The following OR5M3 variants were observed in gnomAD, a reference collection of about 807,000 sequenced individuals.
OR5M3 encodes the protein olfactory receptor family 5 subfamily M member 3, also known as olfactory receptor 5M3.
For missense variants in OR5M3, 384 were observed against 378.6 expected (o/e 1.01, Z -0.12); for synonymous variants, 129 against 131.3 (o/e 0.98, Z 0.12).
chr11:56,473,069 T>C (rs1853682445), intron 1 of OR5M3, among the ~76,000 whole-genome samples, 152 bp downstream of exon 1: 2 of 152,230 alleles, frequency 1.3e-5, no homozygotes, highest in South Asian at 4.1e-4. Context: ...TCAAATAATA[T>C]AATCCTATTG....
rs1853642867 is a variant in OR5M3, at chr11:56,469,716, GGA to G, written c.780_781del (p.Pro261HisfsTer56). On this transcript the variant is annotated frameshift_variant, in exon 2 of 2. Coordinates refer to ENST00000641993, the MANE Select transcript of OR5M3 (RefSeq NM_001004742.3). LOFTEE classifies it high-confidence loss of function. ...CCCCTGCTCCACAGACTCCTCTGTG[GGA>G]CGTCTGAGATACATGAAGATCAGAG... 1 of 1,611,104 alleles carries G rather than the reference GGA, an allele frequency of 6.2e-7. No homozygotes were observed. The highest frequency in any genetic ancestry group is 8.5e-7 in the Non-Finnish European group (1 of 1,178,046).
Position 56,470,447 on chromosome 11 carries a change from G to C in OR5M3, c.51C>G (p.Ser17Arg), listed in dbSNP as rs554513751. ...AGAAGAGAACTTGCCATTCTCGACG[G>C]CTCGTTAGCCCCAAAAGAATGAACT... The part of the protein sequence containing the change: ...VTEFILLGLT[S>R]RREWQVLFFI... Residue 17 changes from serine (S) to arginine (R), a missense_variant, in exon 2 of 2, where the codon AGC becomes AGG. By Grantham distance (110) the Ser-to-Arg change is moderately radical. Transcript: ENST00000641993. 1.2e-6 allele frequency: 2 copies of C among 1,611,120 alleles called. No individual in the cohort carries two copies. The highest frequency in any genetic ancestry group is 1.3e-5 in the African/African-American group (1 of 74,920).
Position 56,469,784 on chromosome 11 carries a change from T to C in OR5M3, c.714A>G (p.Thr238=). 6.2e-7 allele frequency: 1 copy of C among 1,612,668 alleles called. No individual in the cohort carries two copies. Among genetic ancestry groups the C allele is most frequent in the Non-Finnish European group, 8.5e-7 (1 of 1,178,884 alleles). The change falls in exon 2 of 2, where the codon ACA becomes ACG. Residue 238 remains threonine, a synonymous_variant. Transcript: ENST00000641993. ...TGACAGCTGTCAGATGGGACCCACA[T>C]GTGGAAAAGGCCTTCTGCCTTCCTT... is the stretch of plus-strand genomic sequence containing the variant. ...SAEGRQKAFS[T]CGSHLTAVII...
chr11:56,472,636 C>G lies in OR5M3; in HGVS notation c.-45+585G>C, dbSNP rs568409053. Among the ~76,000 whole-genome samples the G allele has an allele frequency of 1.9e-4, 29 of 151,912 alleles. No individual in the cohort carries two copies. The Middle Eastern group carries it at 0.01, about 53-fold the overall frequency. ...GGGTTAGATTTCATCCTAGGGGGTGCGAAGTGTACAAAGAAATAGAGATTA... is the reference window on the plus strand; with the variant it reads ...GGGTTAGATTTCATCCTAGGGGGTGGGAAGTGTACAAAGAAATAGAGATTA... On this transcript the variant is annotated intron_variant, in intron 1 of 1. Transcript: ENST00000641993.
rs138623721 is a variant in OR5M3, at chr11:56,470,442, C to T, written c.56G>A (p.Arg19Gln). 28 of 1,611,804 alleles carry T rather than the reference C, an allele frequency of 1.7e-5. No individual in the cohort carries two copies. In the African/African-American group the frequency reaches 2.1e-4, roughly 12 times the overall value. Residue 19 changes from arginine (R) to glutamine (Q), a missense_variant, in exon 2 of 2, where the codon CGA (arginine) becomes CAA (glutamine). By Grantham distance (43) the Arg-to-Gln change is conservative (BLOSUM62 1). Transcript: ENST00000641993. The stretch of plus-strand genomic sequence containing the variant: ...GATGAAGAAGAGAACTTGCCATTCT[C>T]GACGGCTCGTTAGCCCCAAAAGAAT... ...EFILLGLTSR[R>Q]EWQVLFFIIF...
intron 1 of OR5M3, among the ~76,000 whole-genome samples, chr11:56,470,856 T>C (rs1467361746): frequency 1.3e-5 from 2 of 152,084 alleles, no homozygotes; most frequent in Admixed American, 1.3e-4. Context: ...TTAAAGATAA[T>C]TACAATGGAT....
Position 56,470,471 on chromosome 11 carries a change from C to T in OR5M3, c.27G>A (p.Glu9=), listed in dbSNP as rs150255727. Residue 9 remains glutamate (E), a synonymous_variant, in exon 2 of 2, where the codon GAG becomes GAA. Transcript: ENST00000641993. ...GGCTCGTTAGCCCCAAAAGAATGAA[C>T]TCTGTCACATCGGTGAAATTGAGCA... MLNFTDVT[E]FILLGLTSRR... is the part of the protein sequence containing the mutation. The T allele has an allele frequency of 1.9e-6, 3 of 1,598,154 alleles. No homozygotes were observed. The highest frequency in any genetic ancestry group is 2.2e-5 in the East Asian group (1 of 44,688).
At position 56,470,377 on chromosome 11, in the gene OR5M3, T is replaced by C; in HGVS notation, c.121A>G (p.Ile41Val). ...ACCTTGATTAACACCATCATGCCGA[T>C]ATTGCCCACCATGGTGATGATGTAG... is the stretch of plus-strand genomic sequence containing the variant. Reference protein sequence around the residue: ...VVYIITMVGNIGMMVLIKVSP... With the variant: ...VVYIITMVGNVGMMVLIKVSP... Residue 41 changes from isoleucine (I) to valine (V), a missense_variant, in exon 2 of 2, where the codon ATC becomes GTC. By Grantham distance (29) the Ile-to-Val change is conservative. Transcript: ENST00000641993. 6.2e-7 allele frequency: 1 copy of C among 1,613,592 alleles called. No individual in the cohort carries two copies. The highest frequency in any genetic ancestry group is 8.5e-7 in the Non-Finnish European group (1 of 1,179,728).
chr11:56,469,582 A>G lies in OR5M3; in HGVS notation c.916T>C (p.Ser306Pro). The change falls in exon 2 of 2, where the codon TCA (serine) becomes CCA (proline). Residue 306 changes from serine (S) to proline (P), a missense_variant. Physicochemically the swap from Ser to Pro is moderately conservative, Grantham distance 74 (BLOSUM62 -1). Coordinates refer to ENST00000641993, the MANE Select transcript of OR5M3 (RefSeq NM_001004742.3). ...KKAMMKVISRSC is the reference protein window; with the variant it reads ...KKAMMKVISRPC ...ATTTGATTTTATTTTGTTTAACATG[A>G]TCTGCTGATCACTTTCATCATGGCC... The G allele has an allele frequency of 1.3e-6, 2 of 1,495,072 alleles. No individual in the cohort carries two copies. The highest frequency in any genetic ancestry group is 2.7e-5 in the South Asian group (2 of 74,372). 92.6% of individuals were successfully genotyped at this position (1,495,072 alleles called of 1,614,324 possible). A position where few individuals can be genotyped will look rare whatever the true frequency, so the allele number is the denominator to read the frequency against.
Position 56,470,191 on chromosome 11 carries a change from T to C in OR5M3, c.307A>G (p.Ile103Val), listed in dbSNP as rs559835986. ...AGCLVQCFFF[I>V]ALVHVEIFIL... is the part of the protein sequence containing the mutation. ...AAAATTTCCACATGGACAAGAGCAA[T>C]GAAGAAGAAACACTGTACTAAACAA... The change falls in exon 2 of 2, where the codon ATT (isoleucine) becomes GTT (valine). Residue 103 changes from isoleucine to valine, a missense_variant. Transcript: ENST00000641993. The C allele has an allele frequency of 8.7e-6, 14 of 1,613,668 alleles. No individual in the cohort carries two copies. The highest frequency in any genetic ancestry group is 2.2e-5 in the East Asian group (1 of 44,870).
In OR5M3 at chr11:56,470,155, C is replaced by G; in HGVS notation, c.343G>C (p.Ala115Pro). 6.2e-7 allele frequency: 1 copy of G among 1,608,284 alleles called. No individual in the cohort carries two copies. Among genetic ancestry groups the G allele is most frequent in the Non-Finnish European group, 8.5e-7 (1 of 1,174,680 alleles). ...LVHVEIFILA[A>P]MAFDRYMAIG... ...GCCATGTATCTATCAAAGGCCATCG[C>G]AGCAAGAATAAAAATTTCCACATGG... Residue 115 changes from alanine to proline, a missense_variant, in exon 2 of 2, where the codon GCG becomes CCG. Ala to Pro is a conservative substitution (Grantham distance 27). Transcript: ENST00000641993.
Position 56,469,554 on chromosome 11 carries a change from C to T in OR5M3, c.*20G>A, listed in dbSNP as rs371992663. 2.1e-6 allele frequency: 3 copies of T among 1,449,290 alleles called. No individual in the cohort carries two copies. The highest frequency in any genetic ancestry group is 2.8e-6 in the Non-Finnish European group (3 of 1,082,118). The allele number at this position is 1,449,290 out of a possible 1,614,324, so 89.8% of individuals were successfully genotyped here. The stretch of plus-strand genomic sequence containing the variant: ...CAAATAATAGAAGATAAAATTAAAT[C>T]AAATTTGATTTTATTTTGTTTAACA... On this transcript the variant is annotated 3_prime_UTR_variant, in exon 2 of 2. Coordinates refer to ENST00000641993, the MANE Select transcript of OR5M3 (RefSeq NM_001004742.3).
intron 1 of OR5M3, among the ~76,000 whole-genome samples, chr11:56,471,899 G>C (rs1200794891): frequency 6.6e-6 from 1 of 151,972 alleles, no homozygotes; most frequent in Non-Finnish European, 1.5e-5. Flanking sequence ...TATCTCTAGA[G>C]CAAACAATTA....
intron 1 of OR5M3, among the ~76,000 whole-genome samples, chr11:56,471,020 A>G (rs1853662103): frequency 1.3e-5 from 2 of 152,196 alleles, no homozygotes; most frequent in South Asian, 4.1e-4. Flanking sequence ...ATCTAATCTT[A>G]TATTTGCATT....
chr11:56,469,447 TACC>T lies in OR5M3; in HGVS notation c.*124_*126del, dbSNP rs1853638822. On this transcript the variant is annotated 3_prime_UTR_variant, in exon 2 of 2. Transcript: ENST00000641993. ...TTCCTCCTTATATTTTCTCAATTTG[TACC>T]ACTTTTATTTTTCTTTTCAACCCAC... is the stretch of plus-strand genomic sequence containing the variant. The T allele has an allele frequency of 1.8e-6, 1 of 556,762 alleles. No individual in the cohort carries two copies. The highest frequency in any genetic ancestry group is 3.2e-5 in the South Asian group (1 of 31,314). The allele number at this position is 556,762 out of a possible 1,614,324, so 34.5% of individuals were successfully genotyped here.
At chr11:56,473,196 C>T (rs1439454555) in intron 1 of OR5M3, 25 bp downstream of exon 1, 1 of 151,974 alleles carries the variant, frequency 6.6e-6, no homozygotes, top group Non-Finnish European at 1.5e-5. Context: ...TCTGACAATT[C>T]CAGATAGATA....
Position 56,469,832 on chromosome 11 carries a change from G to A in OR5M3, c.666C>T (p.Ala222=). 1 of 1,611,948 alleles carries A rather than the reference G, an allele frequency of 6.2e-7. No individual in the cohort carries two copies. The highest frequency in any genetic ancestry group is 1.1e-5 in the South Asian group (1 of 91,050). The change falls in exon 2 of 2, where the codon GCC becomes GCT. Residue 222 remains alanine, a synonymous_variant. Transcript: ENST00000641993. ...IIISYLFILI[A]ILRMRSAEGR... ...CTTCTGCTGAGCGCATTCGCAGAAT[G>A]GCAATGAGGATGAATAAGTAAGAGA... is the stretch of plus-strand genomic sequence containing the variant.
intron 1 of OR5M3, among the ~76,000 whole-genome samples, chr11:56,471,397 A>G (rs896998014): frequency 6.6e-6 from 1 of 152,164 alleles, no homozygotes; most frequent in Non-Finnish European, 1.5e-5. Context: ...ATTTTCAAAT[A>G]TAAGATGTAT....
In OR5M3 at chr11:56,470,356, T is replaced by G. The variant is rs369579894; in HGVS notation, c.142A>C (p.Lys48Gln). ...VGNIGMMVLI[K>Q]VSPQLNNPMY... ...GGGTTGTTAAGCTGAGGACTGACCT[T>G]GATTAACACCATCATGCCGATATTG... The change falls in exon 2 of 2, where the codon AAG becomes CAG. Residue 48 changes from lysine (K) to glutamine (Q), a missense_variant. Transcript: ENST00000641993. 11 of 1,613,616 alleles carry G rather than the reference T, an allele frequency of 6.8e-6. No individual in the cohort carries two copies. The African/African-American group carries it at 1.3e-4, about 20-fold the overall frequency.
Sources: allele counts gnomAD v4.1 joint callset (sites outside exome capture counted in the v4.1 genomes callset), GRCh38; gene constraint gnomAD v4.1.1; transcripts MANE v1.5; gene names NCBI Gene and HGNC (gene_info 2026-07-23, HGNC 2026-07-21).